The following METTL25 variants were observed in gnomAD, a reference collection of about 807,000 sequenced individuals.
METTL25 encodes the protein probable methyltransferase-like protein 25.
Under a neutral mutation model 71.6 loss-of-function variants are expected in METTL25, and 64 were observed. The ratio of observed to expected loss-of-function variants is 0.89; its 90% CI spans 0.73 to 1.10. METTL25 has a LOEUF of 1.10. Among genes scored for constraint, METTL25 ranks in the 50% least tolerant of loss-of-function variants. The pLI is 0.00. For synonymous variants in METTL25, 287 were observed against 250.3 expected (o/e 1.15, Z -1.38); for missense variants, 807 against 707.0 (o/e 1.14, Z -1.60).
In METTL25 at chr12:82,399,208, A is replaced by T. The variant is rs909768027; in HGVS notation, c.945A>T (p.Ile315=). ...GTTTTGAAAATTCCTTTTCTCTTAT[A>T]AACCTTTTGCCTATTAATGCTGTAG... ...NLCFENSFSL[I]NLLPINAVEP... The change falls in exon 4 of 12, where the codon ATA becomes ATT. Residue 315 remains isoleucine (I), a synonymous_variant. Coordinates refer to ENST00000248306, the MANE Select transcript of METTL25 (RefSeq NM_032230.3). 6.2e-7 allele frequency: 1 copy of T among 1,613,356 alleles called. No individual in the cohort carries two copies. Among genetic ancestry groups the T allele is most frequent in the Non-Finnish European group, 8.5e-7 (1 of 1,179,660 alleles).
intron 5 of METTL25, among the ~76,000 whole-genome samples, chr12:82,404,963 A>C (rs1886963437): frequency 7.0e-6 from 1 of 142,980 alleles, no homozygotes; most frequent in Non-Finnish European, 1.5e-5. Context: ...AAAAAAAAAA[A>C]TTAGAGTCAC....
At chr12:82,402,783 C>T (rs552982481) in intron 4 of METTL25, among the ~76,000 whole-genome samples, 200 bp from the exon 5 acceptor site, 2 of 152,084 alleles carry the variant, frequency 1.3e-5, no homozygotes, top group African/African-American at 2.4e-5. Context: ...CTTGTAGTCC[C>T]AGCTACTTGG....
intron 5 of METTL25, among the ~76,000 whole-genome samples, chr12:82,417,839 T>A (rs1888121231): frequency 1.3e-5 from 2 of 151,454 alleles, no homozygotes; most frequent in South Asian, 4.3e-4. Flanking sequence ...AGAAGCTTTG[T>A]TGTTAAGATG....
At chr12:82,420,871 T>G (rs1421977190) in intron 5 of METTL25, among the ~76,000 whole-genome samples, 1 of 152,048 alleles carries the variant, frequency 6.6e-6, no homozygotes, top group Non-Finnish European at 1.5e-5. Flanking sequence ...TTTTCTCTTT[T>G]TGGAGGTGGA....
In METTL25 at chr12:82,386,841, C is replaced by T. The variant is rs1885078459; in HGVS notation, c.298C>T (p.Gln100Ter). ...TCCCAAAATATTTTGTGAAACTTCTCAGAAGTTGGTGAGTGTGGAAGCCTT... is the reference window on the plus strand; with the variant it reads ...TCCCAAAATATTTTGTGAAACTTCTTAGAAGTTGGTGAGTGTGGAAGCCTT... ...DFPKIFCETS[Q>*]KLVSVEAFAL... The change falls in exon 2 of 12, where the codon CAG becomes TAG. Residue 100 changes from glutamine (Q) to a stop codon, truncating the protein, a stop_gained. Coordinates refer to ENST00000248306, the MANE Select transcript of METTL25 (RefSeq NM_032230.3). LOFTEE classifies it high-confidence loss of function. 3 of 1,613,224 alleles carry T rather than the reference C, an allele frequency of 1.9e-6. No homozygotes were observed. Among genetic ancestry groups the T allele is most frequent in the Non-Finnish European group, 1.7e-6 (2 of 1,179,540 alleles).
chr12:82,358,842 C>A lies in METTL25; in HGVS notation c.259+18C>A. 6.9e-7 allele frequency: 1 copy of A among 1,444,530 alleles called. No homozygotes were observed. The allele number at this position is 1,444,530 out of a possible 1,614,324, so 89.5% of individuals were successfully genotyped here. A position where few individuals can be genotyped will look rare whatever the true frequency, so the allele number is the denominator to read the frequency against. On this transcript the variant is annotated intron_variant, in intron 1 of 11. Transcript: ENST00000248306. ...GGAAGCAGGTGGGTGGTGGGGTAGG[C>A]GGGGCGGGAAGGGAGGCGGAGGAGA...
chr12:82,375,782 GT>G (rs1164795734), intron 1 of METTL25, among the ~76,000 whole-genome samples: 1 of 152,266 alleles, frequency 6.6e-6, no homozygotes, highest in East Asian at 1.9e-4. Flanking sequence ...CTTCAATACT[GT>G]GGTCATTAAT....
chr12:82,365,731 A>G (rs1328204328), intron 1 of METTL25, among the ~76,000 whole-genome samples: 2 of 143,834 alleles, frequency 1.4e-5, no homozygotes, highest in Non-Finnish European at 3.2e-5. Flanking sequence ...AAACAGAAAT[A>G]GATCAAAACA....
At chr12:82,378,067 T>C (rs1255690767) in intron 1 of METTL25, among the ~76,000 whole-genome samples, 1 of 152,178 alleles carries the variant, frequency 6.6e-6, no homozygotes, top group Non-Finnish European at 1.5e-5. Context: ...TTTTCAAACA[T>C]TTATTTAACT....
chr12:82,456,151 T>A (rs1891473549), intron 8 of METTL25, among the ~76,000 whole-genome samples: 1 of 151,916 alleles, frequency 6.6e-6, no homozygotes, highest in African/African-American at 2.4e-5. Flanking sequence ...ACATTACACC[T>A]AAATTGTAAT....
intron 1 of METTL25, among the ~76,000 whole-genome samples, chr12:82,377,062 G>A (rs556478506): frequency 3.3e-5 from 5 of 152,004 alleles, no homozygotes; most frequent in African/African-American, 9.6e-5. Context: ...GCACTGAGCC[G>A]AGATCATGCC....
At chr12:82,389,794 T>C in intron 2 of METTL25, 22 bp from the exon 3 acceptor site, 2 of 1,441,690 alleles carry the variant, frequency 1.4e-6, no homozygotes, top group South Asian at 2.4e-5. Flanking sequence ...TTAATAGCAG[T>C]TTTTACTTTT....
rs752189025 is a variant in METTL25 at position 82,398,869 on chromosome 12, A to G, written c.606A>G (p.Gly202=). 1 of 1,601,670 alleles carries G rather than the reference A, an allele frequency of 6.2e-7. No individual in the cohort carries two copies. Among genetic ancestry groups the G allele is most frequent in the South Asian group, 1.1e-5 (1 of 87,806 alleles). Residue 202 remains glycine (G), a synonymous_variant, in exon 4 of 12, where the codon GGA becomes GGG. Coordinates refer to ENST00000248306, the MANE Select transcript of METTL25 (RefSeq NM_032230.3). ...LSLKYGLKVY[G]IDSSNTNTHG... Reference sequence around the variant, plus strand: ...TGAAGTATGGCTTAAAAGTTTATGGAATTGATTCTTCAAATACCAATACTC... The same window carrying G: ...TGAAGTATGGCTTAAAAGTTTATGGGATTGATTCTTCAAATACCAATACTC...
intron 1 of METTL25, among the ~76,000 whole-genome samples, chr12:82,364,795 T>A (rs1258839605): frequency 6.6e-6 from 1 of 152,194 alleles, no homozygotes; most frequent in Non-Finnish European, 1.5e-5. Context: ...AAATAAATTG[T>A]CCAGAGTTCC....
At chr12:82,387,105 G>A (rs1014074872) in intron 2 of METTL25, 138 bp downstream of exon 2, 38 of 679,502 alleles carry the variant, frequency 5.6e-5, no homozygotes, top group Non-Finnish European at 7.4e-5. Context: ...ATTAACTATT[G>A]TTTAGAAGTG....
rs908088445 is a variant in METTL25, at chr12:82,400,788, G to A, written c.1131+1394G>A. 4.7e-4 allele frequency among the ~76,000 whole-genome samples: 71 copies of A among 151,814 alleles called. 1 individual carries two copies. Among genetic ancestry groups the A allele is most frequent in the African/African-American group, 1.7e-3 (70 of 41,414 alleles). ...CACCCCCTATTCCCCCTACCCTCTC[G>A]CAATACTTAAATATTTTACTAGTAG... On this transcript the variant is annotated intron_variant, in intron 4 of 11. Transcript: ENST00000248306.
chr12:82,407,539 A>G (rs1003970752), intron 5 of METTL25, among the ~76,000 whole-genome samples: 1 of 152,182 alleles, frequency 6.6e-6, no homozygotes, highest in East Asian at 1.9e-4. Flanking sequence ...GCTAGGCTTC[A>G]GTGGGGAAAG....
chr12:82,400,866 A>G (rs558983817), intron 4 of METTL25, among the ~76,000 whole-genome samples: 1 of 152,280 alleles, frequency 6.6e-6, no homozygotes, highest in African/African-American at 2.4e-5. Context: ...TGCTAATATT[A>G]ACTAATCTTA....
chr12:82,418,663 A>G (rs1888195386), intron 5 of METTL25, among the ~76,000 whole-genome samples: 1 of 152,136 alleles, frequency 6.6e-6, no homozygotes, highest in Non-Finnish European at 1.5e-5. Context: ...GATGCTGTAA[A>G]TGTTCCCAAG....
Sources: gnomAD v4.1 joint callset for allele counts (sites outside exome capture counted in the v4.1 genomes callset) on GRCh38, gnomAD v4.1.1 for gene constraint, MANE v1.5 for transcripts, NCBI Gene and HGNC (gene_info 2026-07-23, HGNC 2026-07-21) for gene names.